Variants in APAF1 observed in about 807,000 individuals in gnomAD.
APAF1 encodes apoptotic protease-activating factor 1.
A neutral mutation model predicts 152.4 loss-of-function variants in APAF1; 91 were observed. The ratio of observed to expected loss-of-function variants is 0.60; its 90% CI spans 0.50 to 0.71. APAF1 has a LOEUF of 0.71. Ranked by LOEUF, APAF1 falls within the 30% of genes least tolerant of loss-of-function variation. The probability of loss-of-function intolerance (pLI) is 0.00; values close to 1 mark genes in which losing one functional copy is unlikely to be tolerated. For synonymous variants in APAF1, 484 were observed against 494.1 expected, an observed-to-expected ratio of 0.98 and a Z score of 0.27; for missense variants, 1,283 against 1,472.0, an observed-to-expected ratio of 0.87 and a Z score of 2.10.
chr12:98,726,168 A>G (rs1212714716), intron 25 of APAF1, among the ~76,000 whole-genome samples: 4 of 152,208 alleles, frequency 2.6e-5, no homozygotes, highest in African/African-American at 7.2e-5. Context: ...TTAGAAAACA[A>G]TCTATTTTTT....
At chr12:98,692,544 C>G (rs1041327083) in intron 16 of APAF1, among the ~76,000 whole-genome samples, 4 of 152,090 alleles carry the variant, frequency 2.6e-5, no homozygotes, top group Non-Finnish European at 4.4e-5. Flanking sequence ...TGCCTCATTC[C>G]CCCCTCCCCA....
intron 14 of APAF1, 116 bp from the exon 15 acceptor site, chr12:98,683,027 A>C: frequency 2.4e-6 from 2 of 825,232 alleles, no homozygotes; most frequent in Non-Finnish European, 4.0e-6. Flanking sequence ...TCCAACTAGG[A>C]AAATCTGCTA....
intron 21 of APAF1, among the ~76,000 whole-genome samples, chr12:98,713,255 T>C (rs2097730156): frequency 6.6e-6 from 1 of 152,260 alleles, no homozygotes. Context: ...TTTTGTCTTT[T>C]TATGTCCCTT....
Position 98,666,177 on chromosome 12 carries a change from C to G in APAF1, c.1195-13C>G. The G allele has an allele frequency of 6.2e-7, 1 of 1,612,450 alleles. No homozygotes were observed. The highest frequency in any genetic ancestry group is 8.5e-7 in the Non-Finnish European group (1 of 1,178,648). ...ACTTTTGTGGCATATTAAATACTTA[C>G]AACAATTCCTAGGTGTTATGTATTC... On this transcript the variant is annotated splice_polypyrimidine_tract_variant and intron_variant, in intron 8 of 26. Transcript: ENST00000551964.
intron 9 of APAF1, among the ~76,000 whole-genome samples, chr12:98,666,630 A>G (rs1287986675): frequency 6.6e-6 from 1 of 151,838 alleles, no homozygotes; most frequent in Non-Finnish European, 1.5e-5. Context: ...CCTACTTGTC[A>G]TTTTTTTCCG....
At chr12:98,704,401 C>G (rs2097719124) in intron 18 of APAF1, among the ~76,000 whole-genome samples, 1 of 152,220 alleles carries the variant, frequency 6.6e-6, no homozygotes, top group African/African-American at 2.4e-5. Flanking sequence ...GAGAAATTCA[C>G]TGGGTTCACA....
chr12:98,655,562 A>G (rs2097656207), intron 4 of APAF1, among the ~76,000 whole-genome samples: 1 of 152,238 alleles, frequency 6.6e-6, no homozygotes, highest in Admixed American at 6.5e-5. Flanking sequence ...AAAGAAAAAG[A>G]AATAAAAGTT....
At chr12:98,725,570 CTCT>C in intron 25 of APAF1, 30 bp downstream of exon 25, 2 of 1,613,760 alleles carry the variant, frequency 1.2e-6, no homozygotes, top group Middle Eastern at 1.7e-4. Flanking sequence ...GAGAGCACTG[CTCT>C]TCTTGTAGCT....
chr12:98,716,423 A>G (rs7314932), intron 22 of APAF1, among the ~76,000 whole-genome samples: 18,556 of 152,176 alleles, frequency 0.12, 1,201 homozygotes, highest in East Asian at 0.25. Context: ...CTGTGAATGC[A>G]TTTTTTGCCT....
At chr12:98,682,054 T>C (rs1392792066) in intron 14 of APAF1, among the ~76,000 whole-genome samples, 1 of 145,162 alleles carries the variant, frequency 6.9e-6, no homozygotes, top group Non-Finnish European at 1.5e-5. Context: ...ATTTTTTTGT[T>C]TTTTTTTTTT....
At chr12:98,688,997 AGAGATGGG>A (rs1226763997) in intron 16 of APAF1, among the ~76,000 whole-genome samples, 1 of 151,652 alleles carries the variant, frequency 6.6e-6, no homozygotes, top group Non-Finnish European at 1.5e-5. Flanking sequence ...TACTTTTATT[AGAGATGGG>A]GTTTTGCCTA....
At chr12:98,663,805 T>C (rs2153315850) in intron 7 of APAF1, among the ~76,000 whole-genome samples, 1 of 151,784 alleles carries the variant, frequency 6.6e-6, no homozygotes, top group East Asian at 2.0e-4. Context: ...ACTACAGGCA[T>C]GTTCCACCAT....
rs765585822 is a variant in APAF1, at chr12:98,712,351, T to C, written c.2874T>C (p.Tyr958=). Residue 958 remains tyrosine (Y), a synonymous_variant, in exon 21 of 27, where the codon TAT becomes TAC. Coordinates refer to ENST00000551964, the MANE Select transcript of APAF1 (RefSeq NM_181861.2). The stretch of plus-strand genomic sequence containing the variant: ...ATGGAAGAACAGGTCAGATTGATTA[T>C]CTGACTGAAGCTCAAGTTAGCTGCT... ...LINGRTGQID[Y]LTEAQVSCCC... is the part of the protein sequence containing the mutation. 33 of 1,613,110 alleles carry C rather than the reference T, an allele frequency of 2.0e-5. No individual in the cohort carries two copies. The Admixed American group carries it at 3.2e-4, about 15-fold the overall frequency.
intron 10 of APAF1, among the ~76,000 whole-genome samples, chr12:98,668,982 A>G (rs1414991404): frequency 2.0e-5 from 3 of 152,340 alleles, no homozygotes; most frequent in Admixed American, 2.0e-4. Flanking sequence ...TTGGAAAACC[A>G]TATGTACTTT....
At chr12:98,666,390 T>G (rs1380854407) in intron 9 of APAF1, 33 bp downstream of exon 9, 1 of 1,592,646 alleles carries the variant, frequency 6.3e-7, no homozygotes. Flanking sequence ...TTTTTTTTCC[T>G]TTTTCCTTTG....
intron 7 of APAF1, among the ~76,000 whole-genome samples, chr12:98,665,278 A>ATATTTTTTT (rs1491316422): frequency 1.4e-4 from 9 of 66,012 alleles, no homozygotes; most frequent in African/African-American, 5.1e-4. Context: ...ATATATATAT[A>ATATTTTTTT]TTTTTTTTTT....
chr12:98,698,444 C>T (rs1451602239), intron 16 of APAF1, among the ~76,000 whole-genome samples: 1 of 152,158 alleles, frequency 6.6e-6, no homozygotes, highest in Non-Finnish European at 1.5e-5. Flanking sequence ...ATTTATTTTT[C>T]TCTTTAGTAT....
At position 98,665,722 on chromosome 12, in the gene APAF1, C is replaced by A; in HGVS notation, c.1125C>A (p.Leu375=). Residue 375 remains leucine (L), a synonymous_variant, in exon 8 of 27, where the codon CTC becomes CTA. Coordinates refer to ENST00000551964, the MANE Select transcript of APAF1 (RefSeq NM_181861.2). ...DEAMSISVEM[L]REDIKDYYTD... ...CCATGTCTATAAGTGTTGAAATGCTCAGAGAAGACATCAAAGATTATTACA... is the reference window on the plus strand; with the variant it reads ...CCATGTCTATAAGTGTTGAAATGCTAAGAGAAGACATCAAAGATTATTACA... 6.2e-7 allele frequency: 1 copy of A among 1,614,022 alleles called. No individual in the cohort carries two copies. Among genetic ancestry groups the A allele is most frequent in the South Asian group, 1.1e-5 (1 of 91,050 alleles).
chr12:98,665,737 A>C lies in APAF1; in HGVS notation c.1140A>C (p.Lys380Asn). ...ISVEMLREDI[K>N]DYYTDLSILQ... Reference sequence around the variant, plus strand: ...TTGAAATGCTCAGAGAAGACATCAAAGATTATTACACAGATCTTTCCATCC... The same window carrying C: ...TTGAAATGCTCAGAGAAGACATCAACGATTATTACACAGATCTTTCCATCC... The change falls in exon 8 of 27, where the codon AAA becomes AAC. Residue 380 changes from lysine to asparagine, a missense_variant. Lys to Asn is a moderately conservative substitution (Grantham distance 94, BLOSUM62 0). Coordinates refer to ENST00000551964, the MANE Select transcript of APAF1 (RefSeq NM_181861.2). The C allele has an allele frequency of 3.7e-6, 6 of 1,614,148 alleles. No individual in the cohort carries two copies. The highest frequency in any genetic ancestry group is 5.1e-6 in the Non-Finnish European group (6 of 1,180,002).
Sources: allele counts gnomAD v4.1 joint callset (sites outside exome capture counted in the v4.1 genomes callset), GRCh38; gene constraint gnomAD v4.1.1; transcripts MANE v1.5; gene names NCBI Gene and HGNC (gene_info 2026-07-23, HGNC 2026-07-21).